The following SNTN variants were observed in gnomAD, a reference collection of about 807,000 sequenced individuals.
SNTN encodes sentan.
A neutral mutation model predicts 12.3 loss-of-function variants in SNTN; 13 were observed. The ratio of observed to expected loss-of-function variants is 1.05; its 90% CI spans 0.69 to 1.67. SNTN has a LOEUF of 1.67. Ranked by LOEUF, SNTN falls within the 40% of genes most tolerant of loss-of-function variation. SNTN has a pLI of 0.00. For synonymous variants in SNTN, 69 were observed against 58.5 expected (o/e 1.18, Z -0.82); for missense variants, 189 against 169.8 (o/e 1.11, Z -0.63).
Position 63,654,721 on chromosome 3 carries a change from C to T in SNTN, c.111-41C>T, listed in dbSNP as rs115525009. 558 of 1,592,354 alleles carry T rather than the reference C, an allele frequency of 3.5e-4. No individual in the cohort carries two copies. The African/African-American group carries it at 5.3e-3, about 15-fold the overall frequency. On this transcript the variant is annotated intron_variant, in intron 1 of 3. Transcript: ENST00000343837. Reference sequence around the variant, plus strand: ...GCTATAGATGCTGATATCAATACCCCAACTCCCAGAATCATTCTGTTTCTT... The same window carrying T: ...GCTATAGATGCTGATATCAATACCCTAACTCCCAGAATCATTCTGTTTCTT...
chr3:63,660,666 T>G (rs1256552938), intron 3 of SNTN, among the ~76,000 whole-genome samples: 2 of 152,106 alleles, frequency 1.3e-5, no homozygotes, highest in Non-Finnish European at 2.9e-5. Flanking sequence ...ACAAAAGGAA[T>G]GGTGGTGTTC....
intron 3 of SNTN, among the ~76,000 whole-genome samples, chr3:63,663,179 CA>C (rs1208371109): frequency 3.9e-5 from 6 of 152,064 alleles, no homozygotes; most frequent in Non-Finnish European, 8.8e-5. Flanking sequence ...AATAGCTTAG[CA>C]GTTAAGAGTA....
At chr3:63,663,743 C>T (rs1476925951) in intron 3 of SNTN, 194 bp from the exon 4 acceptor site, 8 of 713,430 alleles carry the variant, frequency 1.1e-5, no homozygotes, top group Non-Finnish European at 2.0e-5. Flanking sequence ...GAGGTCCTCA[C>T]CACATGCAGA....
In SNTN at chr3:63,652,746, A is replaced by G; in HGVS notation, c.59A>G (p.Asn20Ser). Residue 20 changes from asparagine to serine, a missense_variant, in exon 1 of 4, where the codon AAT becomes AGT. Asn to Ser is a conservative substitution (Grantham distance 46). Coordinates refer to ENST00000343837, the MANE Select transcript of SNTN (RefSeq NM_001080537.2). ...TCTCTCCACTTGGAAGGAGATCCCA[A>G]TCCTTCTGCAGCCCCAACATCCACC... Reference protein sequence around the residue: ...DKSLHLEGDPNPSAAPTSTCA... With the variant: ...DKSLHLEGDPSPSAAPTSTCA... The G allele has an allele frequency of 6.2e-7, 1 of 1,614,086 alleles. No individual in the cohort carries two copies. The highest frequency in any genetic ancestry group is 8.5e-7 in the Non-Finnish European group (1 of 1,179,966).
At chr3:63,654,067 C>G (rs898006965) in intron 1 of SNTN, among the ~76,000 whole-genome samples, 28 of 152,196 alleles carry the variant, frequency 1.8e-4, no homozygotes, top group African/African-American at 6.5e-4. Flanking sequence ...TCACTGTAGA[C>G]TAGGTTATTA....
At chr3:63,655,908 G>C (rs1908619) in intron 2 of SNTN, among the ~76,000 whole-genome samples, 7,439 of 152,288 alleles carry the variant, frequency 0.049, 375 homozygotes, top group East Asian at 0.27. Flanking sequence ...TAGGAATGCA[G>C]GGTGAGTATA....
chr3:63,654,667 A>T, intron 1 of SNTN, 95 bp from the exon 2 acceptor site: 2 of 1,138,008 alleles, frequency 1.8e-6, no homozygotes, highest in Non-Finnish European at 2.5e-6. Flanking sequence ...TTACCAAAAT[A>T]AACAATTTTT....
At chr3:63,655,576 CAT>C (rs1412637063) in intron 2 of SNTN, among the ~76,000 whole-genome samples, 1 of 152,174 alleles carries the variant, frequency 6.6e-6, no homozygotes, top group Non-Finnish European at 1.5e-5. Context: ...TGTCCCATCA[CAT>C]GTCTAACATA....
intron 1 of SNTN, among the ~76,000 whole-genome samples, chr3:63,653,957 C>G (rs1220216691): frequency 6.6e-6 from 1 of 152,176 alleles, no homozygotes; most frequent in Non-Finnish European, 1.5e-5. Context: ...ATGGTGATTT[C>G]TGCCACATCA....
At position 63,664,265 on chromosome 3, in the gene SNTN, T is replaced by G; in HGVS notation, c.*170T>G. The G allele has an allele frequency of 1.7e-6, 1 of 596,956 alleles. No individual in the cohort carries two copies. The highest frequency in any genetic ancestry group is 2.8e-6 in the Non-Finnish European group (1 of 351,976). 37.0% of individuals were successfully genotyped at this position (596,956 alleles called of 1,614,324 possible). A position where few individuals can be genotyped will look rare whatever the true frequency, so the allele number is the denominator to read the frequency against. ...TAACTCCAAATATTTACCCATACAC[T>G]TCAAGAATGTTTGAATGATAAGGTC... On this transcript the variant is annotated 3_prime_UTR_variant, in exon 4 of 4. Coordinates refer to ENST00000343837, the MANE Select transcript of SNTN (RefSeq NM_001080537.2).
chr3:63,652,691 G>C lies in SNTN; in HGVS notation c.4G>C (p.Gly2Arg). 6.2e-7 allele frequency: 1 copy of C among 1,613,396 alleles called. No homozygotes were observed. The highest frequency in any genetic ancestry group is 1.3e-5 in the African/African-American group (1 of 74,998). ...ACACAAAACAGAAGATGAGAGAATG[G>C]GTGGCTGTATGCACAGTACCCAGGA... M[G>R]GCMHSTQDKS... The change falls in exon 1 of 4, where the codon GGT (glycine) becomes CGT (arginine). Residue 2 changes from glycine (G) to arginine (R), a missense_variant. Physicochemically the swap from Gly to Arg is moderately radical, Grantham distance 125. Transcript: ENST00000343837.
At chr3:63,663,362 A>G (rs1456459028) in intron 3 of SNTN, among the ~76,000 whole-genome samples, 1 of 152,220 alleles carries the variant, frequency 6.6e-6, no homozygotes, top group Non-Finnish European at 1.5e-5. Flanking sequence ...ATAACACATA[A>G]AAAGATTTCA....
chr3:63,660,275 T>C (rs1700729503), intron 3 of SNTN, among the ~76,000 whole-genome samples: 2 of 151,578 alleles, frequency 1.3e-5, no homozygotes, highest in African/African-American at 4.9e-5. Flanking sequence ...GGCCAGTTGG[T>C]GAGAAGGGAT....
At chr3:63,658,489 A>T (rs13101201) in intron 2 of SNTN, among the ~76,000 whole-genome samples, 8 of 151,308 alleles carry the variant, frequency 5.3e-5, no homozygotes, top group African/African-American at 1.9e-4. Context: ...ATGTGTATAC[A>T]TATACATACT....
At chr3:63,657,229 T>C (rs1443275550) in intron 2 of SNTN, among the ~76,000 whole-genome samples, 2 of 152,098 alleles carry the variant, frequency 1.3e-5, no homozygotes, top group African/African-American at 4.8e-5. Flanking sequence ...GTACTGACAG[T>C]GAGCTAGGGA....
intron 1 of SNTN, 47 bp from the exon 2 acceptor site, chr3:63,654,715 A>G (rs1285822601): frequency 1.3e-6 from 2 of 1,570,008 alleles, no homozygotes; most frequent in Admixed American, 3.4e-5. Context: ...GCTGATATCA[A>G]TACCCCAACT....
intron 3 of SNTN, among the ~76,000 whole-genome samples, chr3:63,662,514 T>C (rs1442343850): frequency 1.3e-5 from 2 of 152,196 alleles, no homozygotes; most frequent in Non-Finnish European, 2.9e-5. Context: ...TCTTAAAATA[T>C]GCAGGAAATA....
chr3:63,658,377 T>C (rs558677839), intron 2 of SNTN, among the ~76,000 whole-genome samples: 1 of 148,294 alleles, frequency 6.7e-6, no homozygotes, highest in Non-Finnish European at 1.5e-5. Context: ...TGTACCTTCC[T>C]TGCCTCATAC....
Position 63,652,770 on chromosome 3 carries a change from C to T in SNTN, c.83C>T (p.Thr28Ile), listed in dbSNP as rs370490516. The change falls in exon 1 of 4, where the codon ACC becomes ATC. Residue 28 changes from threonine (T) to isoleucine (I), a missense_variant. Thr to Ile is a moderately conservative substitution (Grantham distance 89, BLOSUM62 -1). Transcript: ENST00000343837. Reference protein sequence around the residue: ...DPNPSAAPTSTCAPRKMPKRI... With the variant: ...DPNPSAAPTSICAPRKMPKRI... ...AATCCTTCTGCAGCCCCAACATCCA[C>T]CTGCGCACCTAGGAAAATGCCCAAA... The T allele has an allele frequency of 1.9e-6, 3 of 1,613,936 alleles. No individual in the cohort carries two copies. Among genetic ancestry groups the T allele is most frequent in the African/African-American group, 1.3e-5 (1 of 74,908 alleles).
Sources: gnomAD v4.1 joint callset for allele counts (sites outside exome capture counted in the v4.1 genomes callset) on GRCh38, gnomAD v4.1.1 for gene constraint, MANE v1.5 for transcripts, NCBI Gene and HGNC (gene_info 2026-07-23, HGNC 2026-07-21) for gene names.